RAB38: variants seen among roughly 807,000 people sequenced by gnomAD.
RAB38 encodes ras-related protein Rab-38.
In RAB38, 15 loss-of-function variants were observed where a neutral mutation model predicts 18.4. The observed-to-expected ratio is 0.82, with a 90% CI of 0.55 to 1.26. RAB38 has a LOEUF of 1.26. Among genes scored for constraint, RAB38 ranks in the 50% most tolerant of loss-of-function variants. RAB38 has a pLI of 0.00. For synonymous variants in RAB38, 101 were observed against 104.4 expected, an observed-to-expected ratio of 0.97 and a Z score of 0.20; for missense variants, 294 against 267.4, an observed-to-expected ratio of 1.10 and a Z score of -0.69.
the RAB38 span, among the ~76,000 whole-genome samples, chr11:88,024,192 A>G: frequency 6.6e-6 from 1 of 152,108 alleles, no homozygotes; most frequent in African/African-American, 2.4e-5. Context: ...AGCTCAAACC[A>G]CTCTAATAAT....
At chr11:88,128,047 A>T (rs1302156024) in intron 2 of RAB38, among the ~76,000 whole-genome samples, 3 of 152,214 alleles carry the variant, frequency 2.0e-5, no homozygotes, top group Non-Finnish European at 2.9e-5. Flanking sequence ...ATTCAAATTT[A>T]AAAAGCACAA....
intron 2 of RAB38, among the ~76,000 whole-genome samples, chr11:88,122,324 C>T (rs977929654): frequency 3.3e-5 from 5 of 152,160 alleles, no homozygotes; most frequent in Non-Finnish European, 1.5e-5. Flanking sequence ...ATTGTTCTCA[C>T]TGTGAGTCTT....
At chr11:87,894,470 G>A in the RAB38 span, among the ~76,000 whole-genome samples, 2 of 151,530 alleles carry the variant, frequency 1.3e-5, no homozygotes, top group Non-Finnish European at 1.5e-5. Context: ...ACATACTTTG[G>A]ACTAATGGCA....
chr11:87,853,391 A>G, the RAB38 span, among the ~76,000 whole-genome samples: 1 of 152,194 alleles, frequency 6.6e-6, no homozygotes, highest in African/African-American at 2.4e-5. Flanking sequence ...CTGTTTCTCC[A>G]CCATGGGAGA....
the RAB38 span, among the ~76,000 whole-genome samples, chr11:87,839,481 T>C: frequency 6.6e-6 from 1 of 152,324 alleles, no homozygotes; most frequent in East Asian, 1.9e-4. Context: ...TTTCAGTTGT[T>C]CTTTTTCAGT....
At chr11:87,895,839 T>C in the RAB38 span, among the ~76,000 whole-genome samples, 1 of 151,678 alleles carries the variant, frequency 6.6e-6, no homozygotes, top group South Asian at 2.1e-4. Context: ...CATATTATTC[T>C]AAATGCAAAG....
chr11:87,890,991 T>C, the RAB38 span, among the ~76,000 whole-genome samples: 1 of 151,848 alleles, frequency 6.6e-6, no homozygotes, highest in Non-Finnish European at 1.5e-5. Flanking sequence ...TATAAGGCCA[T>C]GTGTACCTGC....
chr11:88,040,669 C>G, the RAB38 span, among the ~76,000 whole-genome samples: 1 of 152,040 alleles, frequency 6.6e-6, no homozygotes, highest in Non-Finnish European at 1.5e-5. Context: ...CACCACGGTA[C>G]TCCAGCCTGG....
chr11:87,811,279 C>T, the RAB38 span, among the ~76,000 whole-genome samples: 2 of 152,174 alleles, frequency 1.3e-5, no homozygotes, highest in Admixed American at 6.5e-5. Flanking sequence ...TCCCTGGCCT[C>T]TGCATTCAGT....
At chr11:88,166,497 C>T (rs1943245466) in intron 1 of RAB38, 1 of 152,128 alleles carries the variant, frequency 6.6e-6, no homozygotes, top group South Asian at 2.1e-4. Context: ...AAACTAATGT[C>T]ACCTCCCTTC....
chr11:88,057,558 C>T, the RAB38 span, among the ~76,000 whole-genome samples: 1 of 152,100 alleles, frequency 6.6e-6, no homozygotes, highest in Non-Finnish European at 1.5e-5. Flanking sequence ...ATGTAGTGTT[C>T]AATAAATGTT....
the RAB38 span, among the ~76,000 whole-genome samples, chr11:87,941,141 A>G: frequency 6.8e-6 from 1 of 147,018 alleles, no homozygotes; most frequent in Non-Finnish European, 1.5e-5. Flanking sequence ...TATTTGCTGG[A>G]TATAGCACCT....
chr11:88,161,312 A>G (rs1006921896), intron 1 of RAB38, among the ~76,000 whole-genome samples: 4 of 151,398 alleles, frequency 2.6e-5, no homozygotes, highest in African/African-American at 9.7e-5. Flanking sequence ...CCTCATCTCT[A>G]CTCCCACTCT....
chr11:87,844,399 G>A, the RAB38 span, among the ~76,000 whole-genome samples: 16 of 152,164 alleles, frequency 1.1e-4, no homozygotes, highest in African/African-American at 1.7e-4. Context: ...AGCAGTTGGC[G>A]CCATTACATA....
At chr11:87,918,535 A>G in the RAB38 span, among the ~76,000 whole-genome samples, 1 of 152,084 alleles carries the variant, frequency 6.6e-6, no homozygotes, top group Non-Finnish European at 1.5e-5. Flanking sequence ...TATCTTTGCC[A>G]ATACTTCTTA....
the RAB38 span, among the ~76,000 whole-genome samples, chr11:87,855,811 CAT>C: frequency 6.6e-6 from 1 of 152,002 alleles, no homozygotes; most frequent in African/African-American, 2.4e-5. Flanking sequence ...TTTAAATAAA[CAT>C]AAATAATTCT....
At chr11:88,071,945 C>G in the RAB38 span, among the ~76,000 whole-genome samples, 1 of 152,168 alleles carries the variant, frequency 6.6e-6, no homozygotes, top group Admixed American at 6.5e-5. Flanking sequence ...ACATTACAGC[C>G]TCACAGGAGA....
At chr11:87,832,505 G>A in the RAB38 span, among the ~76,000 whole-genome samples, 2 of 152,162 alleles carry the variant, frequency 1.3e-5, no homozygotes, top group Admixed American at 1.3e-4. Flanking sequence ...ATTATTGGCA[G>A]AATCTAGTTC....
At chr11:88,023,048 G>A in the RAB38 span, among the ~76,000 whole-genome samples, 4 of 151,946 alleles carry the variant, frequency 2.6e-5, no homozygotes, top group African/African-American at 9.7e-5. Context: ...GAACTAATGG[G>A]TGTTAGGCTT....
Sources: gnomAD v4.1 joint callset for allele counts (sites outside exome capture counted in the v4.1 genomes callset) on GRCh38, gnomAD v4.1.1 for gene constraint, MANE v1.5 for transcripts, NCBI Gene and HGNC (gene_info 2026-07-23, HGNC 2026-07-21) for gene names.